Variants in TAOK3 observed in about 807,000 individuals in gnomAD.
TAOK3 encodes the protein serine/threonine-protein kinase TAO3.
A neutral mutation model predicts 120.4 loss-of-function variants in TAOK3; 40 were observed. The observed-to-expected ratio is 0.33, with a 90% CI of 0.26 to 0.43. TAOK3 has a LOEUF of 0.43. Ranked by LOEUF, TAOK3 falls within the 20% of genes least tolerant of loss-of-function variation. TAOK3 has a pLI of 1.00. For missense variants in TAOK3, 821 were observed against 1,112.1 expected (o/e 0.74, Z 3.72); for synonymous variants, 355 against 387.5 (o/e 0.92, Z 0.99).
At position 118,161,679 on chromosome 12, in the gene TAOK3, T is replaced by C; in HGVS notation, c.2139+109A>G. On this transcript the variant is annotated intron_variant, in intron 18 of 20. Transcript: ENST00000392533. The surrounding 1 kb of genome is among the most constrained non-coding windows in gnomAD (Gnocchi z 4.5). The stretch of plus-strand genomic sequence containing the variant: ...CAACTGGAGATTCTGATACAATAGG[T>C]GTGGGGTGCAGAAATTTGTGATTCT... 1 of 1,368,354 alleles carries C rather than the reference T, an allele frequency of 7.3e-7. No individual in the cohort carries two copies. Among genetic ancestry groups the C allele is most frequent in the South Asian group, 1.3e-5 (1 of 76,086 alleles). 84.8% of individuals were successfully genotyped at this position (1,368,354 alleles called of 1,614,324 possible). A position where few individuals can be genotyped will look rare whatever the true frequency, so the allele number is the denominator to read the frequency against.
chr12:118,273,055 T>C (rs1391997389), intron 1 of TAOK3, among the ~76,000 whole-genome samples: 2 of 152,170 alleles, frequency 1.3e-5, no homozygotes, highest in Non-Finnish European at 2.9e-5. Flanking sequence ...AGTCATACTT[T>C]ACTATTTTGG....
rs752030880 is a variant in TAOK3 at position 118,255,505 on chromosome 12, C to T, written c.63G>A (p.Glu21=). ...IADLFYKDDP[E]ELFIGLHEIG... is the part of the protein sequence containing the mutation. ...TTTCATGCAAACCAATAAAAAGTTC[C>T]TCAGGATCATCTTTGTAGAATAGAT... The change falls in exon 3 of 21, where the codon GAG becomes GAA. Residue 21 remains glutamate (E), a synonymous_variant. Transcript: ENST00000392533. 1 of 1,614,100 alleles carries T rather than the reference C, an allele frequency of 6.2e-7. No individual in the cohort carries two copies.
Position 118,157,897 on chromosome 12 carries a change from C to T in TAOK3, c.2352+2249G>A, listed in dbSNP as rs564432544. ...CTTTCTTCAACTCTCTCTCCTTTTG[C>T]TAAAGCTCTTGTTCTCTTTTCCTTC... On this transcript the variant is annotated intron_variant, in intron 19 of 20. Coordinates refer to ENST00000392533, the MANE Select transcript of TAOK3 (RefSeq NM_016281.4). Among the ~76,000 whole-genome samples the T allele has an allele frequency of 5.9e-5, 9 of 152,328 alleles. No individual in the cohort carries two copies. In the South Asian group the frequency reaches 1.9e-3, roughly 32 times the overall value.
At position 118,369,962 on chromosome 12, in the gene TAOK3, A is replaced by C. The variant is rs368887407; in HGVS notation, c.-194+2686T>G. Among the ~76,000 whole-genome samples the C allele has an allele frequency of 5.9e-5, 9 of 151,848 alleles. No individual in the cohort carries two copies. The South Asian group carries it at 8.3e-4, about 14-fold the overall frequency. ...CGATCTTGGCTCACTGCAACCTCTGACTCCTGAGTTCAAGCGATTCCTCTG... is the reference window on the plus strand; with the variant it reads ...CGATCTTGGCTCACTGCAACCTCTGCCTCCTGAGTTCAAGCGATTCCTCTG... On this transcript the variant is annotated intron_variant, in intron 1 of 20. Coordinates refer to ENST00000392533, the MANE Select transcript of TAOK3 (RefSeq NM_016281.4).
intron 2 of TAOK3, among the ~76,000 whole-genome samples, chr12:118,263,940 C>T (rs1420682837): frequency 6.6e-6 from 1 of 152,112 alleles, no homozygotes; most frequent in Non-Finnish European, 1.5e-5. Context: ...GTGGTGAGCG[C>T]CTGTAATCCC....
rs183550877 is a variant in TAOK3, at chr12:118,217,732, A to C, written c.644-3622T>G. 1.4e-4 allele frequency among the ~76,000 whole-genome samples: 21 copies of C among 147,702 alleles called. No individual in the cohort carries two copies. In the East Asian group the frequency reaches 1.6e-3, roughly 11 times the overall value. ...AAATGAAATATAGTAGTCTCTCTCT[A>C]TATATAGACAGTTAATTTTATGTAT... is the stretch of plus-strand genomic sequence containing the variant. On this transcript the variant is annotated intron_variant, in intron 9 of 20. Transcript: ENST00000392533.
In TAOK3 at chr12:118,181,562, C is replaced by T; in HGVS notation, c.1375G>A (p.Glu459Lys). 1.2e-6 allele frequency: 2 copies of T among 1,614,208 alleles called. No individual in the cohort carries two copies. Among genetic ancestry groups the T allele is most frequent in the Non-Finnish European group, 1.7e-6 (2 of 1,180,042 alleles). The change falls in exon 15 of 21, where the codon GAA becomes AAA. Residue 459 changes from glutamate (E) to lysine (K), a missense_variant. By Grantham distance (56) the Glu-to-Lys change is moderately conservative. Around this residue, in one of 2 missense-constraint regions of TAOK3, gnomAD observed 354 missense variants for 572.1 expected, o/e 0.62. Transcript: ENST00000392533. ...HEHEQENELR[E>K]QMSGYKRMRR... ...ATCCGCTTATAACCTGACATCTGTT[C>T]CCGCAACTCGTTCTCCTGCTCATGC...
At chr12:118,340,534 T>C (rs895743854) in intron 1 of TAOK3, among the ~76,000 whole-genome samples, 2 of 152,216 alleles carry the variant, frequency 1.3e-5, no homozygotes, top group African/African-American at 4.8e-5. Context: ...TAAAGACATC[T>C]AAATCATTTT....
At position 118,152,321 on chromosome 12, in the gene TAOK3, C is replaced by G; in HGVS notation, c.2441G>C (p.Ser814Thr). Reference protein sequence around the residue: ...QEMELLNAYQSKIKMQTEAQH... With the variant: ...QEMELLNAYQTKIKMQTEAQH... ...TGCCTCTGTTTGCATCTTGATTTTG[C>G]TCTGGTAGGCGTTGAGCAGCTCCAT... The change falls in exon 20 of 21, where the codon AGC becomes ACC. Residue 814 changes from serine (S) to threonine (T), a missense_variant. Around this residue, in one of 2 missense-constraint regions of TAOK3, gnomAD observed 354 missense variants for 572.1 expected, o/e 0.62. Coordinates refer to ENST00000392533, the MANE Select transcript of TAOK3 (RefSeq NM_016281.4). 1 of 1,614,162 alleles carries G rather than the reference C, an allele frequency of 6.2e-7. No homozygotes were observed. The highest frequency in any genetic ancestry group is 8.5e-7 in the Non-Finnish European group (1 of 1,180,040).
intron 11 of TAOK3, among the ~76,000 whole-genome samples, chr12:118,203,467 G>A (rs1413434039): frequency 6.6e-6 from 1 of 152,152 alleles, no homozygotes; most frequent in African/African-American, 2.4e-5. Flanking sequence ...CACTTTGGGA[G>A]GCTGAGGCGG....
chr12:118,182,597 GTGTATATA>G (rs1473368465), intron 14 of TAOK3, among the ~76,000 whole-genome samples: 3 of 77,512 alleles, frequency 3.9e-5, no homozygotes, highest in African/African-American at 1.4e-4. Context: ...GTGTGTGTGT[GTGTATATA>G]TATATATATA....
intron 11 of TAOK3, among the ~76,000 whole-genome samples, chr12:118,201,797 C>T (rs1351885378): frequency 3.3e-5 from 5 of 152,002 alleles, no homozygotes; most frequent in Admixed American, 3.3e-4. Flanking sequence ...TCTATTATCT[C>T]ATATAGTTAC....
At chr12:118,284,955 A>G (rs543674874) in intron 1 of TAOK3, among the ~76,000 whole-genome samples, 13 of 152,070 alleles carry the variant, frequency 8.5e-5, no homozygotes, top group Non-Finnish European at 1.6e-4. Context: ...ATTACCAGAA[A>G]TAAAATTTAG....
chr12:118,235,770 G>A (rs73205512), intron 7 of TAOK3, 99 bp from the exon 8 acceptor site: 89,721 of 740,868 alleles, frequency 0.12, 6,235 homozygotes, highest in Non-Finnish European at 0.14. Flanking sequence ...TTATTTAAAC[G>A]AACAAACAAA....
At chr12:118,308,877 C>T (rs1294024199) in intron 1 of TAOK3, among the ~76,000 whole-genome samples, 1 of 134,878 alleles carries the variant, frequency 7.4e-6, no homozygotes, top group African/African-American at 2.8e-5. Flanking sequence ...TTGCAGTGAC[C>T]TGAGATCGCA....
rs1212615187 is a variant in TAOK3, at chr12:118,182,599, G to GTATATATATATATA, written c.1330-1006_1330-993dup. Among the ~76,000 whole-genome samples, 97 of 93,878 alleles carry GTATATATATATATA rather than the reference G, an allele frequency of 1.0e-3. 1 individual carries two copies. In the East Asian group the frequency reaches 0.02, roughly 19 times the overall value. The allele number at this position is 93,878 out of a possible 152,430, so 61.6% of individuals were successfully genotyped here. On this transcript the variant is annotated intron_variant, in intron 14 of 20. Coordinates refer to ENST00000392533, the MANE Select transcript of TAOK3 (RefSeq NM_016281.4). ...TGTATATGTGTGTGTGTGTGTGTGTGTATATATATATATATATATATATAT... is the reference window on the plus strand; with the variant it reads ...TGTATATGTGTGTGTGTGTGTGTGTGTATATATATATATATATATATATATATATATATATATAT...
At chr12:118,253,370 G>A (rs556491432) in intron 3 of TAOK3, among the ~76,000 whole-genome samples, 4 of 152,198 alleles carry the variant, frequency 2.6e-5, no homozygotes, top group Non-Finnish European at 4.4e-5. Flanking sequence ...GGAGAAGTAG[G>A]TAATAATTAG....
intron 1 of TAOK3, among the ~76,000 whole-genome samples, chr12:118,300,205 C>T (rs139600372): frequency 3.9e-5 from 6 of 152,246 alleles, no homozygotes; most frequent in African/African-American, 7.2e-5. Context: ...AATGTACTCA[C>T]GTGTTCATCT....
intron 11 of TAOK3, among the ~76,000 whole-genome samples, chr12:118,211,413 A>G (rs1268543247): frequency 6.6e-6 from 1 of 151,714 alleles, no homozygotes; most frequent in Non-Finnish European, 1.5e-5. Context: ...ATTCTATTTT[A>G]TTTCCTTAAG....
Sources: allele counts gnomAD v4.1 joint callset (sites outside exome capture counted in the v4.1 genomes callset), GRCh38; gene constraint gnomAD v4.1.1; regional missense constraint gnomAD v4.1.1; non-coding constraint Gnocchi (gnomAD v3.1); transcripts MANE v1.5; gene names NCBI Gene and HGNC (gene_info 2026-07-23, HGNC 2026-07-21).